Variants in RSPO3 observed in about 807,000 individuals in gnomAD.
RSPO3 encodes R-spondin 3, also known as R-spondin-3.
In RSPO3, 17 loss-of-function variants were observed where a neutral mutation model predicts 36.5. The ratio of observed to expected loss-of-function variants is 0.47; its 90% CI spans 0.32 to 0.70. The LOEUF (loss-of-function observed/expected upper bound fraction) is 0.70. Ranked by LOEUF, RSPO3 falls within the 30% of genes least tolerant of loss-of-function variation. The pLI is 0.04. For missense variants in RSPO3, 294 were observed against 322.5 expected, an observed-to-expected ratio of 0.91 and a Z score of 0.68; for synonymous variants, 108 against 107.0, an observed-to-expected ratio of 1.01 and a Z score of -0.06.
At chr6:127,146,384 T>C (rs1774384627) in intron 1 of RSPO3, among the ~76,000 whole-genome samples, 1 of 152,054 alleles carries the variant, frequency 6.6e-6, no homozygotes, top group Non-Finnish European at 1.5e-5. Flanking sequence ...ACAGAGGGAA[T>C]CAAGCAAGGT....
chr6:127,193,229 C>T (rs1296170638), intron 4 of RSPO3, among the ~76,000 whole-genome samples: 1 of 152,200 alleles, frequency 6.6e-6, no homozygotes, highest in African/African-American at 2.4e-5. Flanking sequence ...TTTCAATCTA[C>T]TTCCAAAAAT....
chr6:127,197,230 C>T lies in RSPO3; in HGVS notation c.*1223C>T, dbSNP rs952033276. 15 of 599,082 alleles carry T rather than the reference C, an allele frequency of 2.5e-5. No individual in the cohort carries two copies. The highest frequency in any genetic ancestry group is 2.5e-5 in the Non-Finnish European group (9 of 358,356). The allele number at this position is 599,082 out of a possible 1,614,324, so 37.1% of individuals were successfully genotyped here. ...TGAGCCAATGGAGATTTACTTATAGCGTATTAGGAGATATTTATTCCATTT... is the reference window on the plus strand; with the variant it reads ...TGAGCCAATGGAGATTTACTTATAGTGTATTAGGAGATATTTATTCCATTT... On this transcript the variant is annotated 3_prime_UTR_variant, in exon 5 of 5. Transcript: ENST00000356698.
chr6:127,175,378 G>C (rs1775031834), intron 4 of RSPO3, among the ~76,000 whole-genome samples: 1 of 151,656 alleles, frequency 6.6e-6, no homozygotes, highest in Non-Finnish European at 1.5e-5. Flanking sequence ...AGCTTTGCTA[G>C]TTTCAATTAC....
At position 127,198,584 on chromosome 6, in the gene RSPO3, G is replaced by A. The variant is rs1163628615; in HGVS notation, c.*2577G>A. The stretch of plus-strand genomic sequence containing the variant: ...ATTATTGATTCGAAGAATCGAGAGA[G>A]TGCAGCAACATAAATCTGTTAATGT... On this transcript the variant is annotated 3_prime_UTR_variant, in exon 5 of 5. Transcript: ENST00000356698. 1.3e-5 allele frequency among the ~76,000 whole-genome samples: 2 copies of A among 152,198 alleles called. No individual in the cohort carries two copies. The highest frequency in any genetic ancestry group is 2.9e-5 in the Non-Finnish European group (2 of 68,038).
chr6:127,194,578 A>G (rs931495415), intron 4 of RSPO3, among the ~76,000 whole-genome samples: 8 of 152,236 alleles, frequency 5.3e-5, no homozygotes, highest in Non-Finnish European at 7.3e-5. Flanking sequence ...ATAAATAAAA[A>G]TAATCATCCA....
At chr6:127,129,341 T>G (rs1774005022) in intron 1 of RSPO3, among the ~76,000 whole-genome samples, 2 of 152,068 alleles carry the variant, frequency 1.3e-5, no homozygotes, top group African/African-American at 4.8e-5. Context: ...AATCTTGCCA[T>G]AAACTGGGGA....
chr6:127,148,504 A>T (rs1046230805), intron 1 of RSPO3, 144 bp from the exon 2 acceptor site: 7 of 550,696 alleles, frequency 1.3e-5, no homozygotes, highest in Non-Finnish European at 1.9e-5. Flanking sequence ...TCATAAAAAA[A>T]GATAGGAAAA....
At chr6:127,139,778 C>A (rs534468321) in intron 1 of RSPO3, among the ~76,000 whole-genome samples, 1 of 152,014 alleles carries the variant, frequency 6.6e-6, no homozygotes, top group Non-Finnish European at 1.5e-5. Flanking sequence ...TCATCCACCC[C>A]CTCTTGTCCT....
At chr6:127,126,048 G>A (rs554997739) in intron 1 of RSPO3, among the ~76,000 whole-genome samples, 76 of 152,226 alleles carry the variant, frequency 5.0e-4, no homozygotes, top group Admixed American at 1.8e-3. Flanking sequence ...ATATGAAAGG[G>A]AAAGAGATGG....
At chr6:127,176,621 T>C (rs1775061119) in intron 4 of RSPO3, among the ~76,000 whole-genome samples, 1 of 151,546 alleles carries the variant, frequency 6.6e-6, no homozygotes, top group Non-Finnish European at 1.5e-5. Context: ...GAAAACAATA[T>C]GACACTTCAT....
At chr6:127,142,786 G>A (rs984427391) in intron 1 of RSPO3, among the ~76,000 whole-genome samples, 12 of 151,112 alleles carry the variant, frequency 7.9e-5, no homozygotes, top group African/African-American at 2.7e-4. Context: ...TTTCTTTCTG[G>A]TTGTTTTTTT....
At chr6:127,169,709 A>ACTGTATCAT (rs922206794) in intron 4 of RSPO3, among the ~76,000 whole-genome samples, 4 of 151,882 alleles carry the variant, frequency 2.6e-5, no homozygotes, top group African/African-American at 9.7e-5. Context: ...TATAGTTTCC[A>ACTGTATCAT]CTGTATCATA....
At position 127,197,608 on chromosome 6, in the gene RSPO3, T is replaced by C. The variant is rs1775540255; in HGVS notation, c.*1601T>C. ...ACTGTGATTCCTAGCCCTCTCAAGATCACTGCTTTCTGAAGAATTTGCAAT... is the reference window on the plus strand; with the variant it reads ...ACTGTGATTCCTAGCCCTCTCAAGACCACTGCTTTCTGAAGAATTTGCAAT... On this transcript the variant is annotated 3_prime_UTR_variant, in exon 5 of 5. Coordinates refer to ENST00000356698, the MANE Select transcript of RSPO3 (RefSeq NM_032784.5). 5 of 1,470,268 alleles carry C rather than the reference T, an allele frequency of 3.4e-6. No homozygotes were observed. Among genetic ancestry groups the C allele is most frequent in the Non-Finnish European group, 4.5e-6 (5 of 1,106,928 alleles). The allele number at this position is 1,470,268 out of a possible 1,614,324, so 91.1% of individuals were successfully genotyped here.
intron 4 of RSPO3, among the ~76,000 whole-genome samples, chr6:127,186,883 AT>A (rs1256932282): frequency 6.6e-6 from 1 of 152,160 alleles, no homozygotes. Flanking sequence ...AAATAATTTT[AT>A]AGGAAGACTT....
intron 4 of RSPO3, chr6:127,192,516 C>G: frequency 3.9e-6 from 1 of 254,872 alleles, no homozygotes; most frequent in Non-Finnish European, 6.2e-6. Context: ...TTGAAAACAG[C>G]ATTTTTCTGG....
chr6:127,175,549 G>A (rs1775036105), intron 4 of RSPO3, among the ~76,000 whole-genome samples: 1 of 151,698 alleles, frequency 6.6e-6, no homozygotes, highest in Non-Finnish European at 1.5e-5. Context: ...TAAAGTACTG[G>A]AAAACTTTAT....
chr6:127,124,911 C>T (rs1224157347), intron 1 of RSPO3, among the ~76,000 whole-genome samples: 2 of 152,058 alleles, frequency 1.3e-5, no homozygotes, highest in East Asian at 1.9e-4. Flanking sequence ...ATCTAAATGT[C>T]ATTGATTGCT....
At chr6:127,131,829 T>C (rs2114549911) in intron 1 of RSPO3, among the ~76,000 whole-genome samples, 1 of 152,234 alleles carries the variant, frequency 6.6e-6, no homozygotes, top group East Asian at 1.9e-4. Context: ...AAGTTTGGTG[T>C]GTCTCTTCAC....
At chr6:127,132,280 T>C (rs1774073731) in intron 1 of RSPO3, among the ~76,000 whole-genome samples, 1 of 152,282 alleles carries the variant, frequency 6.6e-6, no homozygotes, top group African/African-American at 2.4e-5. Flanking sequence ...GCAGGTCTGA[T>C]GCTATCTGAT....
Sources: gnomAD v4.1 joint callset for allele counts (sites outside exome capture counted in the v4.1 genomes callset) on GRCh38, gnomAD v4.1.1 for gene constraint, MANE v1.5 for transcripts, NCBI Gene and HGNC (gene_info 2026-07-23, HGNC 2026-07-21) for gene names.